Variants in NUMA1 observed in about 807,000 individuals in gnomAD.
NUMA1 encodes nuclear mitotic apparatus protein 1.
A neutral mutation model predicts 237.1 loss-of-function variants in NUMA1; 62 were observed. The ratio of observed to expected loss-of-function variants is 0.26; its 90% CI spans 0.21 to 0.32. The LOEUF is 0.32. Ranked by LOEUF, NUMA1 falls within the 10% of genes least tolerant of loss-of-function variation. The probability of loss-of-function intolerance (pLI) is 1.00; values close to 1 mark genes in which losing one functional copy is unlikely to be tolerated. For synonymous variants in NUMA1, 1,028 were observed against 1,066.1 expected (o/e 0.96, Z 0.70); for missense variants, 2,533 against 2,666.5 (o/e 0.95, Z 1.10).
chr11:72,017,738 T>C lies in NUMA1; in HGVS notation c.1068A>G (p.Leu356=), dbSNP rs536656701. 1 of 1,613,556 alleles carries C rather than the reference T, an allele frequency of 6.2e-7. No homozygotes were observed. Among genetic ancestry groups the C allele is most frequent in the African/African-American group, 1.3e-5 (1 of 75,062 alleles). ...CCTTCTCCAGCTGGGCCTGCTTCTC[T>C]AGCCACTCCTGAGTGGCCTTGCTGT... ...EEHSKATQEW[L]EKQAQLEKEL... Residue 356 remains leucine, a synonymous_variant, in exon 13 of 27, where the codon CTA becomes CTG. Transcript: ENST00000393695.
intron 2 of NUMA1, among the ~76,000 whole-genome samples, chr11:72,045,343 T>A (rs1184530477): frequency 2.6e-5 from 4 of 152,214 alleles, no homozygotes; most frequent in Non-Finnish European, 5.9e-5. Flanking sequence ...CACTGTATCA[T>A]TTGTAGTCTG....
chr11:72,010,067 C>A (rs1181367268), intron 17 of NUMA1, among the ~76,000 whole-genome samples: 1 of 152,200 alleles, frequency 6.6e-6, no homozygotes, highest in Non-Finnish European at 1.5e-5. Context: ...TAACATAGGA[C>A]AGGCCCCACA....
chr11:72,064,392 G>A (rs1044682653), intron 2 of NUMA1, among the ~76,000 whole-genome samples: 1 of 152,030 alleles, frequency 6.6e-6, no homozygotes, highest in African/African-American at 2.4e-5. Flanking sequence ...AGCCCAGGAG[G>A]TCAAGGCTGC....
chr11:72,012,929 C>T lies in NUMA1; in HGVS notation c.4574G>A (p.Arg1525Gln), dbSNP rs371269790. The T allele has an allele frequency of 1.5e-5, 25 of 1,613,990 alleles. No homozygotes were observed. The highest frequency in any genetic ancestry group is 1.9e-5 in the Non-Finnish European group (22 of 1,180,002). ...GAGTTTCTGCCTCTCTTCCTGGAAC[C>T]GCTGCCTCTCCTCCAGGACCTTGAC... ...AKVKVLEERQ[R>Q]FQEERQKLTA... The change falls in exon 15 of 27, where the codon CGG becomes CAG. Residue 1525 changes from arginine to glutamine, a missense_variant. Physicochemically the swap from Arg to Gln is conservative, Grantham distance 43 (BLOSUM62 1). This residue lies in a region of NUMA1 where 324 missense variants were observed against 407.6 expected (regional missense o/e 0.79). Transcript: ENST00000393695.
In NUMA1 at chr11:72,007,392, C is replaced by T; in HGVS notation, c.5260G>A (p.Glu1754Lys). The change falls in exon 21 of 27, where the codon GAA (glutamate) becomes AAA (lysine). Residue 1754 changes from glutamate to lysine, a missense_variant. By Grantham distance (56) the Glu-to-Lys change is moderately conservative. This residue lies in a region of NUMA1 where 795 missense variants were observed against 750.8 expected (regional missense o/e 1.06). Transcript: ENST00000393695. The stretch of plus-strand genomic sequence containing the variant: ...CGCTGGGAGATAGGTGAGGCTGGTT[C>T]TCCAGGGACGCTGGTGCCGTCTGGC... ...TQPDGTSVPG[E>K]PASPISQRLP... 1 of 1,613,830 alleles carries T rather than the reference C, an allele frequency of 6.2e-7. No individual in the cohort carries two copies. The highest frequency in any genetic ancestry group is 8.5e-7 in the Non-Finnish European group (1 of 1,179,944).
chr11:72,028,179 C>T (rs1939820685), intron 4 of NUMA1, among the ~76,000 whole-genome samples: 1 of 152,220 alleles, frequency 6.6e-6, no homozygotes, highest in Non-Finnish European at 1.5e-5. Context: ...CTTCACTCAA[C>T]AAACATTCAC....
chr11:72,048,920 G>C (rs1942155784), intron 2 of NUMA1, among the ~76,000 whole-genome samples: 1 of 152,148 alleles, frequency 6.6e-6, no homozygotes, highest in Admixed American at 6.5e-5. Flanking sequence ...GCCTGACCTT[G>C]AGCTTATTTA....
At chr11:72,017,576 T>G in intron 13 of NUMA1, 111 bp downstream of exon 13, 1 of 1,329,198 alleles carries the variant, frequency 7.5e-7, no homozygotes, top group South Asian at 1.2e-5. Context: ...CTATTGAACC[T>G]TGAAGAGAAA....
At chr11:72,079,942 T>C (rs1211373400) in intron 1 of NUMA1, among the ~76,000 whole-genome samples, 1 of 151,962 alleles carries the variant, frequency 6.6e-6, no homozygotes, top group African/African-American at 2.4e-5. Context: ...AAACCCAAAG[T>C]AGAGCCAACC....
intron 20 of NUMA1, 172 bp downstream of exon 20, chr11:72,008,516 C>T (rs985229109): frequency 6.8e-6 from 5 of 736,188 alleles, no homozygotes; most frequent in Non-Finnish European, 1.1e-5. Flanking sequence ...TTCTTGACCA[C>T]TTGCTTTTTA....
At chr11:72,052,491 G>A (rs560112584) in intron 2 of NUMA1, among the ~76,000 whole-genome samples, 1 of 152,342 alleles carries the variant, frequency 6.6e-6, no homozygotes, top group East Asian at 1.9e-4. Context: ...AGTAAGGCCA[G>A]GGGCGGTGGC....
chr11:72,021,767 C>G (rs1938866551), intron 7 of NUMA1, among the ~76,000 whole-genome samples: 1 of 152,154 alleles, frequency 6.6e-6, no homozygotes. Context: ...CCACACCCAG[C>G]TCATTTTTTT....
intron 1 of NUMA1, among the ~76,000 whole-genome samples, chr11:72,072,979 G>C (rs1307937694): frequency 6.8e-6 from 1 of 146,934 alleles, no homozygotes; most frequent in East Asian, 2.0e-4. Context: ...CCTGGGAGGC[G>C]GAGCTTGCAG....
intron 1 of NUMA1, among the ~76,000 whole-genome samples, chr11:72,070,446 T>A (rs1009190109): frequency 6.6e-6 from 1 of 152,218 alleles, no homozygotes; most frequent in African/African-American, 2.4e-5. Context: ...CCTTTTCTCA[T>A]TTCCCTGCTT....
At chr11:72,036,137 A>G (rs1448269666) in intron 2 of NUMA1, 162 bp from the exon 3 acceptor site, 4 of 620,410 alleles carry the variant, frequency 6.4e-6, no homozygotes, top group Non-Finnish European at 1.1e-5. Flanking sequence ...AGTACACATG[A>G]CAATTACTAT....
rs1938222144 is a variant in NUMA1, at chr11:72,018,446, G to A, written c.810C>T (p.Ala270=). 6.2e-7 allele frequency: 1 copy of A among 1,614,170 alleles called. No homozygotes were observed. The highest frequency in any genetic ancestry group is 8.5e-7 in the Non-Finnish European group (1 of 1,180,024). Residue 270 remains alanine (A), a synonymous_variant, in exon 11 of 27, where the codon GCC becomes GCT. Transcript: ENST00000393695. The part of the protein sequence containing the change: ...RLALLNEKQA[A]SPLEPKELEE... The stretch of plus-strand genomic sequence containing the variant: ...CAAGCTCCTTGGGCTCCAGTGGGCT[G>A]GCCGCCTGCTTCTCATTCAGCAGGG...
intron 20 of NUMA1, 143 bp downstream of exon 20, chr11:72,008,544 AT>A: frequency 2.2e-6 from 2 of 918,820 alleles, no homozygotes; most frequent in Non-Finnish European, 3.4e-6. Flanking sequence ...TGTGCCCTAA[AT>A]AGATATCTGG....
At chr11:72,043,531 T>A (rs1941822646) in intron 2 of NUMA1, among the ~76,000 whole-genome samples, 2 of 147,368 alleles carry the variant, frequency 1.4e-5, no homozygotes, top group South Asian at 4.3e-4. Flanking sequence ...CTGGCTAATT[T>A]TTTTTTTTTT....
chr11:72,064,424 T>C (rs1320827918), intron 2 of NUMA1, among the ~76,000 whole-genome samples: 5 of 152,062 alleles, frequency 3.3e-5, no homozygotes, highest in Non-Finnish European at 5.9e-5. Flanking sequence ...ATTGCAACTG[T>C]ACCACTGCAC....
Sources: allele counts gnomAD v4.1 joint callset (sites outside exome capture counted in the v4.1 genomes callset), GRCh38; gene constraint gnomAD v4.1.1; regional missense constraint gnomAD v4.1.1; transcripts MANE v1.5; gene names NCBI Gene and HGNC (gene_info 2026-07-23, HGNC 2026-07-21).